The following KAZN variants were observed in gnomAD, a reference collection of about 807,000 sequenced individuals.
KAZN encodes kazrin.
A neutral mutation model predicts 87.4 loss-of-function variants in KAZN; 40 were observed. The observed-to-expected ratio is 0.46, with a 90% CI of 0.36 to 0.60. The LOEUF (loss-of-function observed/expected upper bound fraction) is 0.60. Among genes scored for constraint, KAZN ranks in the 20% least tolerant of loss-of-function variants. The probability of loss-of-function intolerance (pLI) is 0.00; values close to 1 mark genes in which losing one functional copy is unlikely to be tolerated. For missense variants in KAZN, 898 were observed against 1,073.9 expected (o/e 0.84, Z 2.29); for synonymous variants, 466 against 458.3 (o/e 1.02, Z -0.22).
At chr1:14,822,782 T>A (rs1348446493) in intron 1 of KAZN, among the ~76,000 whole-genome samples, 1 of 152,268 alleles carries the variant, frequency 6.6e-6, no homozygotes, top group Admixed American at 6.5e-5. Context: ...GCTGGCTCTG[T>A]GGCGAGTGCT....
At chr1:14,786,563 A>G (rs910468114) in intron 1 of KAZN, among the ~76,000 whole-genome samples, 2 of 152,236 alleles carry the variant, frequency 1.3e-5, no homozygotes, top group African/African-American at 2.4e-5. Context: ...AGGAGCCACT[A>G]TAAGCGCATT....
At chr1:14,086,173 G>A in intron 1 of KAZN, among the ~76,000 whole-genome samples, 1 of 149,598 alleles carries the variant, frequency 6.7e-6, no homozygotes, top group East Asian at 1.9e-4. Context: ...TATACATCTT[G>A]CAAATATTTT....
chr1:14,486,032 C>T (rs964296806), intron 2 of KAZN, among the ~76,000 whole-genome samples: 4 of 152,136 alleles, frequency 2.6e-5, no homozygotes, highest in Non-Finnish European at 5.9e-5. Flanking sequence ...ACTGCCTGTT[C>T]AGTAAAGCTG....
intron 1 of KAZN, among the ~76,000 whole-genome samples, chr1:14,661,337 C>T (rs1413936616): frequency 6.6e-6 from 1 of 152,104 alleles, no homozygotes; most frequent in Non-Finnish European, 1.5e-5. Flanking sequence ...CATGGATGGT[C>T]TCTTGAGGCC....
chr1:14,173,577 G>A (rs1646001692), intron 1 of KAZN, among the ~76,000 whole-genome samples: 1 of 152,218 alleles, frequency 6.6e-6, no homozygotes, highest in African/African-American at 2.4e-5. Context: ...TATTGAGAAA[G>A]AGATAGCTAA....
rs186965211 is a variant in KAZN at position 14,000,958 on chromosome 1, A to G, written c.91+107202A>G. On this transcript the variant is annotated intron_variant, in intron 1 of 16. Transcript: ENST00000636203. ...CCACTACGCCCGGCTAATTTTTTGT[A>G]TTTTTAGTAGAGACGGGGTTTCACC... Among the ~76,000 whole-genome samples, 786 of 151,036 alleles carry G rather than the reference A, an allele frequency of 5.2e-3. 5 individuals are homozygous for G. The highest frequency in any genetic ancestry group is 0.018 in the African/African-American group (750 of 41,082).
chr1:15,028,745 A>G (rs6665012), intron 2 of KAZN, among the ~76,000 whole-genome samples: 79,840 of 151,988 alleles, frequency 0.53, 21,323 homozygotes, highest in African/African-American at 0.61. Flanking sequence ...TGTCTTGGTC[A>G]TTAGCCTGGC....
chr1:14,639,665 AC>A (rs952338027), intron 1 of KAZN, among the ~76,000 whole-genome samples: 2 of 151,320 alleles, frequency 1.3e-5, no homozygotes, highest in Non-Finnish European at 2.9e-5. Context: ...TTTTTTTTTT[AC>A]CATCTCTACT....
chr1:14,665,251 T>C (rs938424321), intron 1 of KAZN, among the ~76,000 whole-genome samples: 3 of 151,612 alleles, frequency 2.0e-5, no homozygotes, highest in African/African-American at 7.3e-5. Context: ...GACCTCTCTG[T>C]CCTCTTCTAG....
intron 2 of KAZN, among the ~76,000 whole-genome samples, chr1:14,454,317 C>G (rs991812964): frequency 1.8e-4 from 27 of 152,162 alleles, no homozygotes; most frequent in Non-Finnish European, 3.1e-4. Flanking sequence ...CATTCAACAC[C>G]ATTTAGTATT....
chr1:14,359,809 T>C (rs1269664871), intron 2 of KAZN, among the ~76,000 whole-genome samples: 1 of 152,218 alleles, frequency 6.6e-6, no homozygotes, highest in Non-Finnish European at 1.5e-5. Context: ...AGATCCACTG[T>C]TAGTCTGATG....
chr1:14,960,659 C>A, intron 1 of KAZN, 25 bp from the exon 2 acceptor site: 1 of 1,553,394 alleles, frequency 6.4e-7, no homozygotes, highest in East Asian at 2.4e-5. Context: ...TTCCTGTCCT[C>A]TAACCCTGTG....
intron 1 of KAZN, among the ~76,000 whole-genome samples, chr1:14,179,453 A>G (rs1352725951): frequency 6.6e-6 from 1 of 152,222 alleles, no homozygotes; most frequent in African/African-American, 2.4e-5. Flanking sequence ...GTTCAGTTTT[A>G]TAGTTATTTA....
chr1:15,052,093 G>C (rs762994602), intron 4 of KAZN, among the ~76,000 whole-genome samples: 1 of 152,176 alleles, frequency 6.6e-6, no homozygotes, highest in Non-Finnish European at 1.5e-5. Context: ...ATTAGTCAGA[G>C]AAATGTGTCA....
chr1:14,708,031 A>C (rs953059142), intron 1 of KAZN, among the ~76,000 whole-genome samples: 2 of 152,244 alleles, frequency 1.3e-5, no homozygotes, highest in South Asian at 2.1e-4. Context: ...CAGGTCTGTG[A>C]GTTTGAGCAG....
intron 2 of KAZN, among the ~76,000 whole-genome samples, chr1:14,487,757 C>T (rs1669423518): frequency 6.6e-6 from 1 of 152,140 alleles, no homozygotes; most frequent in East Asian, 1.9e-4. Context: ...TGCTGGTGGA[C>T]AGCAGTAGAT....
At position 15,103,433 on chromosome 1, in the gene KAZN, C is replaced by G. The variant is rs1438979131; in HGVS notation, c.1854C>G (p.Leu618=). The change falls in exon 12 of 15, where the codon CTC becomes CTG. Residue 618 remains leucine (L), a synonymous_variant. Transcript: ENST00000376030. ...DPVVWTNQRV[L]KWVRDIDLKE... is the part of the protein sequence containing the mutation. ...TGGTGTGGACCAACCAGCGGGTGCT[C>G]AAGTGGGTTCGAGACATCGACCTGA... 6.4e-7 allele frequency: 1 copy of G among 1,551,022 alleles called. No individual in the cohort carries two copies.
At chr1:13,898,168 G>C (rs1639114908) in intron 1 of KAZN, among the ~76,000 whole-genome samples, 1 of 152,240 alleles carries the variant, frequency 6.6e-6, no homozygotes, top group Admixed American at 6.5e-5. Context: ...CCTCCGAGGG[G>C]ATAGGCAGTA....
intron 1 of KAZN, among the ~76,000 whole-genome samples, chr1:14,822,354 A>AGGGAGAAAGT (rs1646758474): frequency 1.5e-4 from 2 of 13,622 alleles, no homozygotes; most frequent in Non-Finnish European, 1.3e-4. Context: ...CAAAAGCAGG[A>AGGGAGAAAGT]GGGAGAAAAC....
Sources: gnomAD v4.1 joint callset for allele counts (sites outside exome capture counted in the v4.1 genomes callset) on GRCh38, gnomAD v4.1.1 for gene constraint, MANE v1.5 for transcripts, NCBI Gene and HGNC (gene_info 2026-07-23, HGNC 2026-07-21) for gene names.